The following CRTAP variants were observed in gnomAD, a reference collection of about 807,000 sequenced individuals.
CRTAP encodes the protein cartilage-associated protein.
Under a neutral mutation model 42.7 loss-of-function variants are expected in CRTAP, and 33 were observed. The observed-to-expected ratio is 0.77, with a 90% CI of 0.59 to 1.03. The LOEUF (loss-of-function observed/expected upper bound fraction) is 1.03, where lower values mean the gene tolerates loss of function less well. Among genes scored for constraint, CRTAP ranks in the 50% least tolerant of loss-of-function variants. The probability of loss-of-function intolerance (pLI) is 0.00; values close to 1 mark genes in which losing one functional copy is unlikely to be tolerated. For synonymous variants in CRTAP, 243 were observed against 217.7 expected (o/e 1.12, Z -1.02); for missense variants, 613 against 533.9 (o/e 1.15, Z -1.46).
chr3:33,129,866 T>C (rs1192623722), intron 3 of CRTAP, 73 bp from the exon 4 acceptor site: 36 of 1,475,366 alleles, frequency 2.4e-5, no homozygotes, highest in East Asian at 1.1e-4. Context: ...ACTTTTTCAT[T>C]TGGGCAGGAG....
chr3:33,123,400 TAGTG>T (rs1413406414), intron 2 of CRTAP, among the ~76,000 whole-genome samples: 5 of 152,142 alleles, frequency 3.3e-5, no homozygotes, highest in Admixed American at 6.5e-5. Context: ...ATTCTCATGA[TAGTG>T]AGTGAGTTAT....
intron 3 of CRTAP, among the ~76,000 whole-genome samples, chr3:33,127,851 A>G (rs1257109317): frequency 2.6e-5 from 4 of 151,894 alleles, no homozygotes; most frequent in African/African-American, 9.7e-5. Flanking sequence ...GGTTGAAGCA[A>G]TTCTCCTGCC....
chr3:33,121,080 G>C (rs1386375380), intron 2 of CRTAP, among the ~76,000 whole-genome samples: 1 of 152,146 alleles, frequency 6.6e-6, no homozygotes, highest in Non-Finnish European at 1.5e-5. Flanking sequence ...AGGCACTGGG[G>C]GCCTGGGTTT....
rs560980608 is a variant in CRTAP, at chr3:33,120,281, T to C, written c.472-63T>C. 18 of 1,428,716 alleles carry C rather than the reference T, an allele frequency of 1.3e-5. No homozygotes were observed. In the African/African-American group the frequency reaches 1.3e-4, roughly 10 times the overall value. The allele number at this position is 1,428,716 out of a possible 1,614,324, so 88.5% of individuals were successfully genotyped here. The stretch of plus-strand genomic sequence containing the variant: ...TTTCTGAAGGACTAAGCAGATATTC[T>C]TGTTTTACAAAAATTACCACTTAGC... On this transcript the variant is annotated intron_variant, in intron 1 of 6. Coordinates refer to ENST00000320954, the MANE Select transcript of CRTAP (RefSeq NM_006371.5).
At chr3:33,118,659 G>T (rs369432132) in intron 1 of CRTAP, among the ~76,000 whole-genome samples, 3 of 152,156 alleles carry the variant, frequency 2.0e-5, no homozygotes, top group Non-Finnish European at 4.4e-5. Flanking sequence ...CCTAATTCCC[G>T]CCTTGGAGCG....
In CRTAP at chr3:33,129,990, C is replaced by T. The variant is rs1417908452; in HGVS notation, c.845C>T (p.Thr282Ile). 3 of 1,612,812 alleles carry T rather than the reference C, an allele frequency of 1.9e-6. 1 individual carries two copies. The highest frequency in any genetic ancestry group is 3.3e-5 in the Admixed American group (2 of 60,010). Residue 282 changes from threonine (T) to isoleucine (I), a missense_variant, in exon 4 of 7, where the codon ACC (threonine) becomes ATC (isoleucine). Thr to Ile is a moderately conservative substitution (Grantham distance 89). Coordinates refer to ENST00000320954, the MANE Select transcript of CRTAP (RefSeq NM_006371.5). ...ECKIQCEENLTPVIGGYPVEK... is the reference protein window; with the variant it reads ...ECKIQCEENLIPVIGGYPVEK... ...AAAATACAGTGTGAAGAGAACCTCA[C>T]CCCAGTTATAGGAGGCTATCCGGTT...
At position 33,129,545 on chromosome 3, in the gene CRTAP, T is replaced by G. The variant is rs966057005; in HGVS notation, c.794-394T>G. 6.5e-4 allele frequency among the ~76,000 whole-genome samples: 96 copies of G among 147,058 alleles called. 1 individual carries two copies. The highest frequency in any genetic ancestry group is 2.1e-3 in the African/African-American group (85 of 40,374). ...AATATTTTTCTTTTTCTTTTTTTTTTTTTTTTTTTGGAGACGGAGTCTTGC... is the reference window on the plus strand; with the variant it reads ...AATATTTTTCTTTTTCTTTTTTTTTGTTTTTTTTTGGAGACGGAGTCTTGC... On this transcript the variant is annotated intron_variant, in intron 3 of 6. Transcript: ENST00000320954.
intron 6 of CRTAP, among the ~76,000 whole-genome samples, chr3:33,140,336 T>G (rs1002605991): frequency 2.0e-5 from 3 of 152,242 alleles, no homozygotes; most frequent in Non-Finnish European, 2.9e-5. Context: ...AGGACTTTGT[T>G]GAAGGTTCTG....
intron 6 of CRTAP, among the ~76,000 whole-genome samples, chr3:33,140,777 A>T (rs913188128): frequency 2.0e-5 from 3 of 152,222 alleles, no homozygotes; most frequent in African/African-American, 7.2e-5. Context: ...GGAAGGATGT[A>T]TTGAGGGAGT....
rs753670810 is a variant in CRTAP, at chr3:33,132,683, C to T, written c.1051C>T (p.His351Tyr). The stretch of plus-strand genomic sequence containing the variant: ...GGACACTTGGGGCCTCTCGGATGAG[C>T]ACTTCCAGCCCAGACCTGTAAGTCT... Reference protein sequence around the residue: ...HRDTWGLSDEHFQPRPEAVQF... With the variant: ...HRDTWGLSDEYFQPRPEAVQF... Residue 351 changes from histidine to tyrosine, a missense_variant, in exon 5 of 7, where the codon CAC (histidine) becomes TAC (tyrosine). Transcript: ENST00000320954. 3.1e-6 allele frequency: 5 copies of T among 1,614,036 alleles called. No homozygotes were observed. The South Asian group carries it at 3.3e-5, about 11-fold the overall frequency.
In CRTAP at chr3:33,142,648, C is replaced by T; in HGVS notation, c.*200C>T. 3.5e-6 allele frequency: 2 copies of T among 573,062 alleles called. No homozygotes were observed. The highest frequency in any genetic ancestry group is 6.2e-6 in the Non-Finnish European group (2 of 320,290). The allele number at this position is 573,062 out of a possible 1,614,324, so 35.5% of individuals were successfully genotyped here. A position where few individuals can be genotyped will look rare whatever the true frequency, so the allele number is the denominator to read the frequency against. On this transcript the variant is annotated 3_prime_UTR_variant, in exon 7 of 7. Transcript: ENST00000320954. ...CTTCACACCTGCCACCTCATGTTCACACCTATCTTTCTCACCTTTTTTTTG... is the reference window on the plus strand; with the variant it reads ...CTTCACACCTGCCACCTCATGTTCATACCTATCTTTCTCACCTTTTTTTTG...
intron 5 of CRTAP, among the ~76,000 whole-genome samples, chr3:33,133,278 A>T (rs1425737123): frequency 1.1e-4 from 12 of 111,544 alleles, no homozygotes; most frequent in Non-Finnish European, 1.6e-4. Flanking sequence ...TTTTTTTTTG[A>T]GACAGAGTCT....
At chr3:33,120,558 A>C (rs2029869191) in intron 2 of CRTAP, 65 bp downstream of exon 2, 1 of 1,553,190 alleles carries the variant, frequency 6.4e-7, no homozygotes, top group Non-Finnish European at 8.7e-7. Flanking sequence ...GTCTCTCCAT[A>C]AGCAGCTGCT....
intron 2 of CRTAP, among the ~76,000 whole-genome samples, chr3:33,123,247 G>A (rs1238156413): frequency 1.3e-5 from 2 of 152,206 alleles, no homozygotes; most frequent in Admixed American, 6.5e-5. Context: ...ACAGACACCT[G>A]CTGATATGGT....
chr3:33,129,931 T>C lies in CRTAP; in HGVS notation c.794-8T>C. ...CACTGCTCTGAAAATTTATATGTTT[T>C]GTTTCAGATCATTATGTAGAAGTTC... On this transcript the variant is annotated splice_polypyrimidine_tract_variant and splice_region_variant and intron_variant, in intron 3 of 6. Transcript: ENST00000320954. 2 of 1,612,214 alleles carry C rather than the reference T, an allele frequency of 1.2e-6. No homozygotes were observed. Among genetic ancestry groups the C allele is most frequent in the Non-Finnish European group, 1.7e-6 (2 of 1,178,298 alleles).
chr3:33,141,636 G>A (rs2030574914), intron 6 of CRTAP, among the ~76,000 whole-genome samples: 1 of 152,194 alleles, frequency 6.6e-6, no homozygotes, highest in African/African-American at 2.4e-5. Flanking sequence ...TCTTATGGAA[G>A]GGGCCTCAGC....
chr3:33,132,461 G>A (rs1413181271), intron 4 of CRTAP, 94 bp from the exon 5 acceptor site: 2 of 1,555,572 alleles, frequency 1.3e-6, no homozygotes, highest in Non-Finnish European at 1.8e-6. Context: ...CTGTGGAGAA[G>A]GGGCTTGTTC....
rs890688094 is a variant in CRTAP, at chr3:33,144,444, G to T, written c.*1996G>T. The T allele has an allele frequency of 1.3e-5, 2 of 152,210 alleles. No individual in the cohort carries two copies. The highest frequency in any genetic ancestry group is 6.5e-5 in the Admixed American group (1 of 15,274). The allele number at this position is 152,210 out of a possible 1,614,324, so 9.4% of individuals were successfully genotyped here. On this transcript the variant is annotated 3_prime_UTR_variant, in exon 7 of 7. Transcript: ENST00000320954. ...GAATGCACTTGGTTTATTGTTGGGG[G>T]TGCTCTCAGAAGGAACCTGTGAAAG...
rs191477765 is a variant in CRTAP, at chr3:33,119,606, T to C, written c.472-738T>C. On this transcript the variant is annotated intron_variant, in intron 1 of 6. Transcript: ENST00000320954. ...AATGGATGAATAAGTGAGGAGGTGG[T>C]GGAGTCATTGAGAATGTTAGCAGAA... Among the ~76,000 whole-genome samples, 6 of 152,138 alleles carry C rather than the reference T, an allele frequency of 3.9e-5. No homozygotes were observed. The East Asian group carries it at 1.2e-3, about 29-fold the overall frequency.
Sources: allele counts gnomAD v4.1 joint callset (sites outside exome capture counted in the v4.1 genomes callset), GRCh38; gene constraint gnomAD v4.1.1; transcripts MANE v1.5; gene names NCBI Gene and HGNC (gene_info 2026-07-23, HGNC 2026-07-21).